TAFA1: variants seen among roughly 807,000 people sequenced by gnomAD.
TAFA1 encodes chemokine-like protein TAFA-1.
In TAFA1, 4 loss-of-function variants were observed where a neutral mutation model predicts 18.5. That is an observed-to-expected ratio of 0.22 (90% CI 0.11 to 0.49). TAFA1 has a LOEUF of 0.49. TAFA1 is among the 20% of genes least tolerant of loss of function. The pLI, the probability that TAFA1 is intolerant of heterozygous loss-of-function variation, is 0.98. For synonymous variants in TAFA1, 56 were observed against 55.2 expected, an observed-to-expected ratio of 1.01 and a Z score of -0.06; for missense variants, 147 against 169.0, an observed-to-expected ratio of 0.87 and a Z score of 0.72.
At chr3:68,426,854 A>T (rs534891157) in intron 3 of TAFA1, among the ~76,000 whole-genome samples, 1 of 152,054 alleles carries the variant, frequency 6.6e-6, no homozygotes, top group East Asian at 1.9e-4. Flanking sequence ...ACAGGATCAG[A>T]TTCATGACTG....
chr3:67,996,055 T>A, the TAFA1 span, among the ~76,000 whole-genome samples: 3 of 152,200 alleles, frequency 2.0e-5, no homozygotes, highest in African/African-American at 7.2e-5. Context: ...CAGGAGCTTA[T>A]AGCACATTAA....
intron 3 of TAFA1, among the ~76,000 whole-genome samples, chr3:68,441,889 G>A (rs1410656256): frequency 6.6e-6 from 1 of 152,212 alleles, no homozygotes; most frequent in African/African-American, 2.4e-5. Context: ...GGACAGCAGT[G>A]AAGGGATATC....
At chr3:68,504,263 C>G (rs2072710635) in intron 3 of TAFA1, among the ~76,000 whole-genome samples, 1 of 152,152 alleles carries the variant, frequency 6.6e-6, no homozygotes, top group Non-Finnish European at 1.5e-5. Flanking sequence ...AGTTGAGCCA[C>G]AGAGAAACTG....
chr3:68,156,556 A>G (rs562955112), intron 2 of TAFA1, among the ~76,000 whole-genome samples: 1 of 152,310 alleles, frequency 6.6e-6, no homozygotes, highest in African/African-American at 2.4e-5. Context: ...GAGTAAATGC[A>G]TAAACATTGC....
intron 2 of TAFA1, among the ~76,000 whole-genome samples, chr3:68,068,688 A>G (rs2064714258): frequency 6.6e-6 from 1 of 152,150 alleles, no homozygotes; most frequent in South Asian, 2.1e-4. Flanking sequence ...ATCACAAAAG[A>G]CCTCATGTGT....
At chr3:68,396,170 G>A (rs1346251848) in intron 2 of TAFA1, among the ~76,000 whole-genome samples, 1 of 152,070 alleles carries the variant, frequency 6.6e-6, no homozygotes, top group Non-Finnish European at 1.5e-5. Context: ...CTGTTGAGAT[G>A]AGAATTTTAT....
chr3:68,325,747 T>C (rs2068766437), intron 2 of TAFA1, among the ~76,000 whole-genome samples: 1 of 152,184 alleles, frequency 6.6e-6, no homozygotes, highest in Admixed American at 6.5e-5. Context: ...GTGTTAATCA[T>C]AATAGCTGGC....
chr3:68,416,814 C>T (rs945895647), intron 2 of TAFA1, among the ~76,000 whole-genome samples: 1 of 152,140 alleles, frequency 6.6e-6, no homozygotes, highest in African/African-American at 2.4e-5. Flanking sequence ...ATTTAGCCCC[C>T]CTTGAGAGTA....
chr3:68,152,163 C>T (rs1191086335), intron 2 of TAFA1, among the ~76,000 whole-genome samples: 4 of 152,036 alleles, frequency 2.6e-5, no homozygotes, highest in Admixed American at 6.6e-5. Context: ...GACACAGAGC[C>T]CTGAGTTCTG....
chr3:68,179,169 C>A (rs1406581460), intron 2 of TAFA1, among the ~76,000 whole-genome samples: 1 of 152,156 alleles, frequency 6.6e-6, no homozygotes, highest in African/African-American at 2.4e-5. Flanking sequence ...TAACTTACTT[C>A]CAGGAAAACT....
intron 2 of TAFA1, among the ~76,000 whole-genome samples, chr3:68,313,394 T>A (rs1363119266): frequency 6.6e-6 from 1 of 152,144 alleles, no homozygotes; most frequent in Non-Finnish European, 1.5e-5. Flanking sequence ...TTCTTAAACT[T>A]GTCTATCCCA....
chr3:68,487,806 C>CAAAAA (rs540869246), intron 3 of TAFA1, among the ~76,000 whole-genome samples: 19,142 of 94,910 alleles, frequency 0.2, 1,504 homozygotes, highest in Non-Finnish European at 0.25. Context: ...TTCTCTGTAC[C>CAAAAA]AAAAGAAAAA....
intron 2 of TAFA1, among the ~76,000 whole-genome samples, chr3:68,129,003 T>C (rs2065506470): frequency 6.6e-6 from 1 of 152,190 alleles, no homozygotes; most frequent in South Asian, 2.1e-4. Context: ...CAAATGATAT[T>C]ATACAAAGTG....
intron 2 of TAFA1, among the ~76,000 whole-genome samples, chr3:68,414,673 A>T (rs982007905): frequency 2.6e-5 from 4 of 152,268 alleles, no homozygotes; most frequent in African/African-American, 9.6e-5. Flanking sequence ...GCAGAGAACC[A>T]TTCCTTTGGC....
chr3:68,243,246 A>G (rs1257968067), intron 2 of TAFA1, among the ~76,000 whole-genome samples: 1 of 152,142 alleles, frequency 6.6e-6, no homozygotes, highest in Non-Finnish European at 1.5e-5. Flanking sequence ...CATCATGCAT[A>G]ATACCAGTAT....
At chr3:68,405,104 G>T (rs979998158) in intron 2 of TAFA1, among the ~76,000 whole-genome samples, 9 of 152,112 alleles carry the variant, frequency 5.9e-5, no homozygotes. Flanking sequence ...TCATATTGCA[G>T]TGTCTGCTTT....
chr3:68,337,912 T>G (rs1198784383), intron 2 of TAFA1, among the ~76,000 whole-genome samples: 2 of 152,174 alleles, frequency 1.3e-5, no homozygotes, highest in Non-Finnish European at 2.9e-5. Context: ...AGACATTGAG[T>G]CCCCAACCAA....
At chr3:68,387,053 A>C (rs987416922) in intron 2 of TAFA1, among the ~76,000 whole-genome samples, 1 of 151,420 alleles carries the variant, frequency 6.6e-6, no homozygotes, top group African/African-American at 2.4e-5. Flanking sequence ...CTCTGTGCCT[A>C]ATTTTATTTT....
intron 2 of TAFA1, among the ~76,000 whole-genome samples, chr3:68,416,908 T>A (rs2070849281): frequency 6.6e-6 from 1 of 152,154 alleles, no homozygotes; most frequent in South Asian, 2.1e-4. Context: ...CACTTGTCAA[T>A]AGAACTCAGA....
Sources: gnomAD v4.1 joint callset for allele counts (sites outside exome capture counted in the v4.1 genomes callset) on GRCh38, gnomAD v4.1.1 for gene constraint, MANE v1.5 for transcripts, NCBI Gene and HGNC (gene_info 2026-07-23, HGNC 2026-07-21) for gene names.